Variants in WDFY2 observed in about 807,000 individuals in gnomAD.
WDFY2 encodes WD repeat and FYVE domain containing 2.
A neutral mutation model predicts 56.4 loss-of-function variants in WDFY2; 36 were observed. That is an observed-to-expected ratio of 0.64 (90% CI 0.49 to 0.84). The LOEUF (loss-of-function observed/expected upper bound fraction) is 0.84, where lower values mean the gene tolerates loss of function less well. WDFY2 is among the 40% of genes least tolerant of loss of function. The pLI is 0.00. For missense variants in WDFY2, 444 were observed against 512.2 expected (o/e 0.87, Z 1.29); for synonymous variants, 176 against 183.7 (o/e 0.96, Z 0.34).
At chr13:51,722,513 G>GA (rs1383499264) in intron 5 of WDFY2, among the ~76,000 whole-genome samples, 2 of 152,008 alleles carry the variant, frequency 1.3e-5, no homozygotes, top group South Asian at 2.1e-4. Flanking sequence ...AAAGGGAAAA[G>GA]AAAAAAATCT....
intron 1 of WDFY2, among the ~76,000 whole-genome samples, chr13:51,616,696 T>C (rs1382965951): frequency 1.3e-5 from 2 of 152,204 alleles, no homozygotes; most frequent in Non-Finnish European, 2.9e-5. Context: ...TTATTCTTCA[T>C]CAAAGTTAGT....
In WDFY2 at chr13:51,649,851, T is replaced by A. The variant is rs1406259911; in HGVS notation, c.138-10745T>A. The stretch of plus-strand genomic sequence containing the variant: ...TAGTATAGTTTGAAGTCAGGTAGCA[T>A]GATGCCTCCAGCTTTGTTCTTTTGG... On this transcript the variant is annotated intron_variant, in intron 1 of 11. Coordinates refer to ENST00000298125, the MANE Select transcript of WDFY2 (RefSeq NM_052950.4). 3.3e-5 allele frequency among the ~76,000 whole-genome samples: 5 copies of A among 152,290 alleles called. No individual in the cohort carries two copies. The East Asian group carries it at 9.6e-4, about 29-fold the overall frequency.
chr13:51,639,300 C>G (rs1955112261), intron 1 of WDFY2, among the ~76,000 whole-genome samples: 1 of 152,120 alleles, frequency 6.6e-6, no homozygotes, highest in Non-Finnish European at 1.5e-5. Context: ...TATTAACATT[C>G]ATGAGTATAC....
At position 51,766,100 on chromosome 13, in the gene WDFY2, T is replaced by C. The variant is rs1953739975; in HGVS notation, c.*6331T>C. 1 of 152,258 alleles carries C rather than the reference T, an allele frequency of 6.6e-6. No individual in the cohort carries two copies. The highest frequency in any genetic ancestry group is 2.4e-5 in the African/African-American group (1 of 41,464). The allele number at this position is 152,258 out of a possible 1,614,324, so 9.4% of individuals were successfully genotyped here. ...GTGGATGGCAGCCTTACGTCAGTAGTATATGCCACTATGAAGTATGGCCAA... is the reference window on the plus strand; with the variant it reads ...GTGGATGGCAGCCTTACGTCAGTAGCATATGCCACTATGAAGTATGGCCAA... On this transcript the variant is annotated 3_prime_UTR_variant, in exon 12 of 12. Coordinates refer to ENST00000298125, the MANE Select transcript of WDFY2 (RefSeq NM_052950.4).
At chr13:51,621,734 C>T (rs1256288123) in intron 1 of WDFY2, among the ~76,000 whole-genome samples, 10 of 152,034 alleles carry the variant, frequency 6.6e-5, no homozygotes, top group Non-Finnish European at 1.2e-4. Flanking sequence ...TTTGGGTTCC[C>T]TCAGGCCTAA....
At chr13:51,598,759 T>G (rs927434989) in intron 1 of WDFY2, 1 of 152,142 alleles carries the variant, frequency 6.6e-6, no homozygotes, top group Admixed American at 6.5e-5. Flanking sequence ...ATAAAAATAT[T>G]CTCCTCTATT....
At chr13:51,756,584 A>C in intron 10 of WDFY2, 122 bp downstream of exon 10, 1 of 1,406,088 alleles carries the variant, frequency 7.1e-7, no homozygotes, top group Non-Finnish European at 9.3e-7. Context: ...AATATAGTCC[A>C]CGGCAAGCAG....
chr13:51,633,421 G>A (rs548416530), intron 1 of WDFY2, among the ~76,000 whole-genome samples: 25 of 152,300 alleles, frequency 1.6e-4, no homozygotes, highest in Non-Finnish European at 2.9e-4. Flanking sequence ...CAGTTTACTC[G>A]TGTGTATAAT....
At chr13:51,604,666 C>A (rs754263825) in intron 1 of WDFY2, among the ~76,000 whole-genome samples, 5 of 152,190 alleles carry the variant, frequency 3.3e-5, no homozygotes, top group Non-Finnish European at 7.3e-5. Flanking sequence ...GTGGCACTAG[C>A]CGCATTTTAG....
Position 51,660,519 on chromosome 13 carries a change from A to G in WDFY2, c.138-77A>G. On this transcript the variant is annotated intron_variant, in intron 1 of 11. Transcript: ENST00000298125. ...GCCTCTCTATATATAATATTAAGAGATTTGTTTTCTATGTATCAGCATTTT... is the reference window on the plus strand; with the variant it reads ...GCCTCTCTATATATAATATTAAGAGGTTTGTTTTCTATGTATCAGCATTTT... The G allele has an allele frequency of 2.1e-6, 3 of 1,432,596 alleles. No homozygotes were observed. In the East Asian group the frequency reaches 6.9e-5, roughly 33 times the overall value. The allele number at this position is 1,432,596 out of a possible 1,614,324, so 88.7% of individuals were successfully genotyped here. A position where few individuals can be genotyped will look rare whatever the true frequency, so the allele number is the denominator to read the frequency against.
chr13:51,747,618 G>T (rs55910561), intron 7 of WDFY2, among the ~76,000 whole-genome samples: 20,290 of 152,214 alleles, frequency 0.13, 1,844 homozygotes, highest in African/African-American at 0.23. Context: ...TGCAGCCTCA[G>T]CCTTTCAGGC....
chr13:51,631,950 T>C (rs1252002506), intron 1 of WDFY2, among the ~76,000 whole-genome samples: 1 of 152,224 alleles, frequency 6.6e-6, no homozygotes, highest in Non-Finnish European at 1.5e-5. Flanking sequence ...CCTCCCTTCC[T>C]TAAGAATATT....
At chr13:51,675,641 C>T (rs1056346959) in intron 3 of WDFY2, among the ~76,000 whole-genome samples, 25 of 152,194 alleles carry the variant, frequency 1.6e-4, no homozygotes, top group Admixed American at 9.2e-4. Flanking sequence ...GTCTGCATGT[C>T]TGATCCTGTC....
chr13:51,698,132 G>A (rs1951914442), intron 3 of WDFY2, among the ~76,000 whole-genome samples: 1 of 152,156 alleles, frequency 6.6e-6, no homozygotes, highest in African/African-American at 2.4e-5. Context: ...ATTTAAACTG[G>A]ACAATTTGGT....
chr13:51,724,620 G>A (rs563501082), intron 5 of WDFY2, among the ~76,000 whole-genome samples: 63 of 152,260 alleles, frequency 4.1e-4, no homozygotes, highest in African/African-American at 1.4e-3. Flanking sequence ...GATTGCCTGT[G>A]CACCTCATGA....
At chr13:51,725,973 C>T (rs762979652) in intron 5 of WDFY2, among the ~76,000 whole-genome samples, 1 of 152,108 alleles carries the variant, frequency 6.6e-6, no homozygotes, top group Non-Finnish European at 1.5e-5. Flanking sequence ...CTGTGCCTGG[C>T]CACAAATTTT....
In WDFY2 at chr13:51,763,704, GGGA is replaced by G. The variant is rs1316368524; in HGVS notation, c.*3939_*3941del. ...TCCCAGCTACTCAGGAAGCTGAGGC[GGGA>G]GGATCACTCGAGCCCAGGAATTCAA... On this transcript the variant is annotated 3_prime_UTR_variant, in exon 12 of 12. Coordinates refer to ENST00000298125, the MANE Select transcript of WDFY2 (RefSeq NM_052950.4). 4 of 152,184 alleles carry G rather than the reference GGGA, an allele frequency of 2.6e-5. No homozygotes were observed. Among genetic ancestry groups the G allele is most frequent in the African/African-American group, 9.7e-5 (4 of 41,420 alleles). The allele number at this position is 152,184 out of a possible 1,614,324, so 9.4% of individuals were successfully genotyped here.
intron 10 of WDFY2, among the ~76,000 whole-genome samples, chr13:51,756,995 G>A (rs900619499): frequency 1.3e-5 from 2 of 152,146 alleles, no homozygotes; most frequent in Admixed American, 6.5e-5. Context: ...GAGGTGTGGG[G>A]GCAAATCTAT....
chr13:51,733,787 C>T lies in WDFY2; in HGVS notation c.599-5262C>T, dbSNP rs1952775763. Among the ~76,000 whole-genome samples, 3 of 152,174 alleles carry T rather than the reference C, an allele frequency of 2.0e-5. No homozygotes were observed. In the South Asian group the frequency reaches 6.2e-4, roughly 32 times the overall value. ...TAGCAGTGACTCCCAAGGCTTCTGTCTAGAGCATGTATTGGCTGGTGATGG... is the reference window on the plus strand; with the variant it reads ...TAGCAGTGACTCCCAAGGCTTCTGTTTAGAGCATGTATTGGCTGGTGATGG... On this transcript the variant is annotated intron_variant, in intron 6 of 11. Transcript: ENST00000298125.
Sources: gnomAD v4.1 joint callset for allele counts (sites outside exome capture counted in the v4.1 genomes callset) on GRCh38, gnomAD v4.1.1 for gene constraint, MANE v1.5 for transcripts, NCBI Gene and HGNC (gene_info 2026-07-23, HGNC 2026-07-21) for gene names.